LRRC8D: variants seen among roughly 807,000 people sequenced by gnomAD.
The protein encoded by LRRC8D is volume-regulated anion channel subunit LRRC8D.
LRRC8D carries 20 observed loss-of-function variants against 55.8 expected under a neutral mutation model. That is an observed-to-expected ratio of 0.36 (90% CI 0.25 to 0.52). The LOEUF is 0.52. Among genes scored for constraint, LRRC8D ranks in the 20% least tolerant of loss-of-function variants. LRRC8D has a pLI of 0.93. For missense variants in LRRC8D, 651 were observed against 1,030.8 expected (o/e 0.63, Z 5.05); for synonymous variants, 352 against 377.0 (o/e 0.93, Z 0.77).
intron 2 of LRRC8D, among the ~76,000 whole-genome samples, chr1:89,868,429 G>C (rs1408271124): frequency 6.6e-6 from 1 of 152,122 alleles, no homozygotes; most frequent in Non-Finnish European, 1.5e-5. Context: ...AACTACATCT[G>C]ATCTCTCCCA....
intron 1 of LRRC8D, among the ~76,000 whole-genome samples, chr1:89,834,677 T>C (rs1660964571): frequency 6.6e-6 from 1 of 152,162 alleles, no homozygotes; most frequent in Non-Finnish European, 1.5e-5. Context: ...GGACATTTGC[T>C]CAGAAGGAGA....
At chr1:89,860,557 A>G (rs528529958) in intron 2 of LRRC8D, among the ~76,000 whole-genome samples, 120 of 151,510 alleles carry the variant, frequency 7.9e-4, no homozygotes, top group African/African-American at 2.8e-3. Flanking sequence ...CAAGAGATCG[A>G]GACCATCCTG....
At chr1:89,822,827 C>T (rs1470241191) in intron 1 of LRRC8D, among the ~76,000 whole-genome samples, 4 of 152,168 alleles carry the variant, frequency 2.6e-5, no homozygotes, top group African/African-American at 9.7e-5. Flanking sequence ...TGACCAAACA[C>T]CTACTGTCAG....
intron 2 of LRRC8D, among the ~76,000 whole-genome samples, chr1:89,896,993 G>C (rs894722359): frequency 6.6e-6 from 1 of 152,130 alleles, no homozygotes; most frequent in Non-Finnish European, 1.5e-5. Context: ...TTGCAGATGG[G>C]GGTGCTGATT....
intron 2 of LRRC8D, among the ~76,000 whole-genome samples, chr1:89,914,334 G>A (rs1028599922): frequency 6.6e-6 from 1 of 152,310 alleles, no homozygotes; most frequent in South Asian, 2.1e-4. Flanking sequence ...TCCCGCTCAC[G>A]CCTCTGCCTC....
intron 2 of LRRC8D, among the ~76,000 whole-genome samples, chr1:89,844,808 G>A (rs945155501): frequency 5.9e-5 from 9 of 152,192 alleles, no homozygotes; most frequent in African/African-American, 2.2e-4. Flanking sequence ...TCTACCTGGT[G>A]AAACTCTAGT....
At chr1:89,879,807 T>C (rs1298926880) in intron 2 of LRRC8D, among the ~76,000 whole-genome samples, 1 of 152,200 alleles carries the variant, frequency 6.6e-6, no homozygotes, top group East Asian at 1.9e-4. Flanking sequence ...CACAGTGTGC[T>C]AGCTTCATGA....
At chr1:89,829,931 A>G (rs1420512061) in intron 1 of LRRC8D, among the ~76,000 whole-genome samples, 1 of 152,258 alleles carries the variant, frequency 6.6e-6, no homozygotes, top group Non-Finnish European at 1.5e-5. Context: ...GATCTCAGCC[A>G]GAATAACTAC....
chr1:89,821,386 C>G (rs982410314), intron 1 of LRRC8D, 95 bp downstream of exon 1: 2 of 152,168 alleles, frequency 1.3e-5, no homozygotes, highest in Non-Finnish European at 2.9e-5. Context: ...AACCCTGGCG[C>G]AGGCGCCGCG....
intron 2 of LRRC8D, among the ~76,000 whole-genome samples, chr1:89,901,807 A>G (rs976852123): frequency 1.3e-5 from 2 of 152,230 alleles, no homozygotes; most frequent in African/African-American, 4.8e-5. Flanking sequence ...ATGGTTTATT[A>G]TTTAAATTTG....
chr1:89,846,150 A>G (rs890911137), intron 2 of LRRC8D, among the ~76,000 whole-genome samples: 11 of 151,978 alleles, frequency 7.2e-5, no homozygotes, highest in African/African-American at 2.7e-4. Flanking sequence ...GACTTTCTTT[A>G]GCATCTGTCA....
chr1:89,909,691 C>T (rs1010706083), intron 2 of LRRC8D, among the ~76,000 whole-genome samples: 3 of 151,884 alleles, frequency 2.0e-5, no homozygotes, highest in Admixed American at 2.0e-4. Context: ...ACGGTGAAAC[C>T]CCGTCTCTAC....
chr1:89,847,724 CA>C (rs2100757402), intron 2 of LRRC8D, among the ~76,000 whole-genome samples: 1 of 152,296 alleles, frequency 6.6e-6, no homozygotes, highest in South Asian at 2.1e-4. Flanking sequence ...ACACCAAAAT[CA>C]GGAAGCTTTT....
rs1447476285 is a variant in LRRC8D, at chr1:89,843,619, C to A, written c.-147-19C>A. The A allele has an allele frequency of 1.4e-6, 1 of 702,152 alleles. No individual in the cohort carries two copies. Among genetic ancestry groups the A allele is most frequent in the Non-Finnish European group, 2.6e-6 (1 of 384,736 alleles). 43.5% of individuals were successfully genotyped at this position (702,152 alleles called of 1,614,324 possible). ...CTTGGATCTCTCTAGCTCTTTCTCT[C>A]CCCTGTGTTTTCAAACAGGAAGTGC... On this transcript the variant is annotated intron_variant, in intron 1 of 2. Coordinates refer to ENST00000337338, the MANE Select transcript of LRRC8D (RefSeq NM_001134479.2).
intron 2 of LRRC8D, among the ~76,000 whole-genome samples, chr1:89,915,707 G>C (rs954071585): frequency 2.0e-4 from 31 of 152,128 alleles, no homozygotes; most frequent in African/African-American, 7.5e-4. Context: ...GAAACAGATT[G>C]GGAAACACTG....
chr1:89,848,867 T>C (rs1304337233), intron 2 of LRRC8D, among the ~76,000 whole-genome samples: 2 of 152,080 alleles, frequency 1.3e-5, no homozygotes, highest in Non-Finnish European at 2.9e-5. Flanking sequence ...GCTGGCTAAT[T>C]TTTTGTATTT....
chr1:89,927,201 C>G (rs1226503815), intron 2 of LRRC8D, among the ~76,000 whole-genome samples: 2 of 152,274 alleles, frequency 1.3e-5, no homozygotes, highest in Admixed American at 1.3e-4. Flanking sequence ...TCCCAGCCAG[C>G]CGGGATGTGC....
rs768212444 is a variant in LRRC8D at position 89,933,329 on chromosome 1, C to T, written c.261C>T (p.Asn87=). ...TCCCAAAGATGGAAGCAGCCACCAA[C>T]CAAGACCAAGATGGGCGGACAACAA... ...TNIPKMEAAT[N]QDQDGRTTND... Residue 87 remains asparagine (N), a synonymous_variant, in exon 3 of 3, where the codon AAC becomes AAT. Transcript: ENST00000337338. This position sits in a 1 kb window ranked among gnomAD's most constrained non-coding sequence, Gnocchi z 7.0. The T allele has an allele frequency of 1.9e-6, 3 of 1,614,184 alleles. No homozygotes were observed. Among genetic ancestry groups the T allele is most frequent in the Admixed American group, 1.7e-5 (1 of 60,016 alleles).
intron 2 of LRRC8D, among the ~76,000 whole-genome samples, chr1:89,904,808 GT>G (rs1179635254): frequency 6.6e-6 from 1 of 152,152 alleles, no homozygotes; most frequent in Admixed American, 6.5e-5. Context: ...TTTTTGAACA[GT>G]TTTTTCCCTA....
Sources: allele counts gnomAD v4.1 joint callset (sites outside exome capture counted in the v4.1 genomes callset), GRCh38; gene constraint gnomAD v4.1.1; non-coding constraint Gnocchi (gnomAD v3.1); transcripts MANE v1.5; gene names NCBI Gene and HGNC (gene_info 2026-07-23, HGNC 2026-07-21).